Variants in NCOA1 observed in about 807,000 individuals in gnomAD.
NCOA1 encodes the protein Hin-2 protein.
In NCOA1, 35 loss-of-function variants were observed where a neutral mutation model predicts 150.9. The ratio of observed to expected loss-of-function variants is 0.23; its 90% CI spans 0.18 to 0.31. The LOEUF (loss-of-function observed/expected upper bound fraction) is 0.31. Among genes scored for constraint, NCOA1 ranks in the 10% least tolerant of loss-of-function variants. The probability of loss-of-function intolerance (pLI) is 1.00; values close to 1 mark genes in which losing one functional copy is unlikely to be tolerated. For synonymous variants in NCOA1, 590 were observed against 630.0 expected (o/e 0.94, Z 0.95); for missense variants, 1,491 against 1,749.3 (o/e 0.85, Z 2.63).
chr2:24,528,733 A>G lies in NCOA1; in HGVS notation c.-395-35562A>G, dbSNP rs540040489. Among the ~76,000 whole-genome samples the G allele has an allele frequency of 5.8e-4, 89 of 152,364 alleles. 1 individual carries two copies. The highest frequency in any genetic ancestry group is 2.0e-3 in the African/African-American group (84 of 41,590). The stretch of plus-strand genomic sequence containing the variant: ...AAAGAATGTATAAAACTATTAACAT[A>G]TAAAGAATACAGCAAGTACTAATGT... On this transcript the variant is annotated intron_variant, in intron 1 of 22. Transcript: ENST00000348332.
chr2:24,734,542 C>A (rs1012413556), intron 17 of NCOA1, among the ~76,000 whole-genome samples: 4 of 151,980 alleles, frequency 2.6e-5, no homozygotes, highest in Non-Finnish European at 4.4e-5. Context: ...CACCTATAAC[C>A]CCCCCATTTT....
intron 6 of NCOA1, among the ~76,000 whole-genome samples, chr2:24,668,803 A>G (rs553194966): frequency 1.3e-4 from 5 of 37,960 alleles, no homozygotes; most frequent in East Asian, 2.2e-3. Flanking sequence ...TTCCATAGGG[A>G]AAAAAAAAAG....
intron 11 of NCOA1, among the ~76,000 whole-genome samples, chr2:24,701,951 A>G (rs1458582962): frequency 6.6e-6 from 1 of 152,230 alleles, no homozygotes; most frequent in African/African-American, 2.4e-5. Context: ...CGGAGGTTGC[A>G]GTGAGGCGAG....
intron 14 of NCOA1, among the ~76,000 whole-genome samples, chr2:24,717,453 T>A (rs1218780611): frequency 6.6e-6 from 1 of 152,132 alleles, no homozygotes; most frequent in Non-Finnish European, 1.5e-5. Context: ...GTGGAGACAG[T>A]CAAAAGATCA....
chr2:24,546,416 C>G (rs766073561), intron 1 of NCOA1, among the ~76,000 whole-genome samples: 5 of 152,170 alleles, frequency 3.3e-5, no homozygotes, highest in African/African-American at 1.2e-4. Flanking sequence ...TAGAATCAAT[C>G]TGTAAGAAAC....
intron 6 of NCOA1, among the ~76,000 whole-genome samples, chr2:24,666,755 C>G (rs777123347): frequency 6.6e-6 from 1 of 152,056 alleles, no homozygotes; most frequent in African/African-American, 2.4e-5. Context: ...GCCTCAGCCT[C>G]CCAAGTAGCT....
intron 1 of NCOA1, among the ~76,000 whole-genome samples, chr2:24,532,979 T>C (rs931797560): frequency 3.3e-5 from 5 of 152,198 alleles, no homozygotes; most frequent in Non-Finnish European, 7.3e-5. Context: ...TTTTTTCCAA[T>C]TCTGTGAAGA....
At chr2:24,569,224 A>T (rs1309245150) in intron 2 of NCOA1, among the ~76,000 whole-genome samples, 1 of 152,212 alleles carries the variant, frequency 6.6e-6, no homozygotes. Context: ...TTATGACAAA[A>T]TAGCAGCAAT....
chr2:24,647,090 G>T (rs978944847), intron 4 of NCOA1, among the ~76,000 whole-genome samples: 2 of 152,016 alleles, frequency 1.3e-5, no homozygotes, highest in Non-Finnish European at 2.9e-5. Context: ...AAGATTCTTT[G>T]TTTATATGTT....
intron 8 of NCOA1, among the ~76,000 whole-genome samples, chr2:24,691,266 T>G (rs1180644861): frequency 1.3e-5 from 2 of 152,246 alleles, no homozygotes; most frequent in African/African-American, 4.8e-5. Flanking sequence ...CGTATTTTCT[T>G]GGAAATGTTA....
Position 24,697,755 on chromosome 2 carries a change from T to G in NCOA1, c.906T>G (p.Pro302=). Residue 302 remains proline (P), a synonymous_variant, in exon 11 of 23, where the codon CCT becomes CCG. Coordinates refer to ENST00000348332, the MANE Select transcript of NCOA1 (RefSeq NM_003743.5). ...VRKCIYAFFQ[P]QGREPSYARQ... is the part of the protein sequence containing the mutation. Reference sequence around the variant, plus strand: ...AGTGCATTTATGCTTTTTTCCAACCTCAGGGCAGAGAACCATCTTATGCCA... The same window carrying G: ...AGTGCATTTATGCTTTTTTCCAACCGCAGGGCAGAGAACCATCTTATGCCA... 3 of 1,613,918 alleles carry G rather than the reference T, an allele frequency of 1.9e-6. No homozygotes were observed. Among genetic ancestry groups the G allele is most frequent in the Non-Finnish European group, 1.7e-6 (2 of 1,179,830 alleles).
At chr2:24,599,274 C>A (rs993809541) in intron 3 of NCOA1, among the ~76,000 whole-genome samples, 1 of 152,278 alleles carries the variant, frequency 6.6e-6, no homozygotes, top group East Asian at 1.9e-4. Flanking sequence ...TTCCAATATA[C>A]TGGACATTCT....
intron 1 of NCOA1, among the ~76,000 whole-genome samples, chr2:24,522,438 C>G (rs1267378389): frequency 6.6e-6 from 1 of 152,108 alleles, no homozygotes. Context: ...ACCTTGCCCT[C>G]AAGGAACTCT....
intron 6 of NCOA1, among the ~76,000 whole-genome samples, chr2:24,671,264 T>G (rs886590325): frequency 2.6e-5 from 4 of 152,114 alleles, no homozygotes; most frequent in Non-Finnish European, 4.4e-5. Flanking sequence ...AAAAGTAAGT[T>G]GAAAAAGTTT....
chr2:24,632,117 T>C (rs1183762424), intron 3 of NCOA1, among the ~76,000 whole-genome samples: 3 of 152,106 alleles, frequency 2.0e-5, no homozygotes, highest in African/African-American at 7.2e-5. Context: ...AAAAATAGGA[T>C]AAATAAGGAT....
intron 1 of NCOA1, among the ~76,000 whole-genome samples, chr2:24,562,204 G>A (rs1483814811): frequency 2.0e-5 from 3 of 152,212 alleles, no homozygotes; most frequent in Admixed American, 2.0e-4. Flanking sequence ...CTGAGAACAT[G>A]TTAAAAGTAA....
rs1673084969 is a variant in NCOA1, at chr2:24,700,118, G to T, written c.949+2320G>T. ...AGGTCGCACCATTGCACTCCAGCCT[G>T]GGCAACAAGAGCGAAACTTCATCGC... On this transcript the variant is annotated intron_variant, in intron 11 of 22. Transcript: ENST00000348332. 2.0e-5 allele frequency among the ~76,000 whole-genome samples: 3 copies of T among 150,504 alleles called. 1 individual carries two copies. The South Asian group carries it at 6.3e-4, about 32-fold the overall frequency.
At chr2:24,754,599 C>A (rs1349265872) in intron 20 of NCOA1, among the ~76,000 whole-genome samples, 1 of 152,196 alleles carries the variant, frequency 6.6e-6, no homozygotes, top group Non-Finnish European at 1.5e-5. Context: ...ATTACACTTC[C>A]CTGACCACCA....
At chr2:24,507,732 T>TGTAA (rs1663766562) in intron 1 of NCOA1, among the ~76,000 whole-genome samples, 2 of 152,166 alleles carry the variant, frequency 1.3e-5, no homozygotes, top group South Asian at 4.1e-4. Context: ...CATCATGACT[T>TGTAA]GTAACTGATT....
Sources: allele counts gnomAD v4.1 joint callset (sites outside exome capture counted in the v4.1 genomes callset), GRCh38; gene constraint gnomAD v4.1.1; transcripts MANE v1.5; gene names NCBI Gene and HGNC (gene_info 2026-07-23, HGNC 2026-07-21).